Variants in LRMDA observed in about 807,000 individuals in gnomAD.
The protein encoded by LRMDA is leucine-rich melanocyte differentiation-associated protein.
A neutral mutation model predicts 29.8 loss-of-function variants in LRMDA; 18 were observed. The observed-to-expected ratio is 0.60, with a 90% CI of 0.42 to 0.90. LRMDA has a LOEUF of 0.90. Ranked by LOEUF, LRMDA falls within the 40% of genes least tolerant of loss-of-function variation. The pLI, the probability that LRMDA is intolerant of heterozygous loss-of-function variation, is 0.00. For missense variants in LRMDA, 273 were observed against 273.9 expected (o/e 1.00, Z 0.02); for synonymous variants, 125 against 109.4 (o/e 1.14, Z -0.89).
intron 5 of LRMDA, 74 bp from the exon 6 acceptor site, chr10:76,324,327 A>G (rs908415278): frequency 1.6e-6 from 2 of 1,245,076 alleles, no homozygotes; most frequent in Non-Finnish European, 2.4e-6. Context: ...CCAAGGAGAC[A>G]GGTCTGGTAA....
intron 2 of LRMDA, among the ~76,000 whole-genome samples, chr10:75,968,754 A>G (rs1350706193): frequency 6.6e-6 from 1 of 152,148 alleles, no homozygotes; most frequent in East Asian, 1.9e-4. Context: ...AGAGATTCAT[A>G]CCCTTAGGTA....
chr10:76,484,729 A>G (rs1024425862), intron 6 of LRMDA, among the ~76,000 whole-genome samples: 4 of 151,958 alleles, frequency 2.6e-5, no homozygotes, highest in African/African-American at 9.7e-5. Context: ...AGATAGAGAC[A>G]TATTATATCT....
At chr10:76,104,793 C>T (rs538668357) in intron 5 of LRMDA, among the ~76,000 whole-genome samples, 2 of 152,204 alleles carry the variant, frequency 1.3e-5, no homozygotes, top group East Asian at 3.9e-4. Context: ...GCTCACCCCC[C>T]ATATGGAACC....
At chr10:76,347,443 C>T (rs1482871916) in intron 6 of LRMDA, among the ~76,000 whole-genome samples, 24 of 152,134 alleles carry the variant, frequency 1.6e-4, no homozygotes, top group Admixed American at 1.4e-3. Flanking sequence ...CAGGATGGCT[C>T]CTGAGTGTCT....
intron 5 of LRMDA, among the ~76,000 whole-genome samples, chr10:76,163,325 C>G (rs1171521557): frequency 6.6e-6 from 1 of 152,084 alleles, no homozygotes; most frequent in Non-Finnish European, 1.5e-5. Context: ...GTAGAGAAAT[C>G]TGAGTGGGAC....
chr10:76,108,666 C>G (rs539983557), intron 5 of LRMDA, among the ~76,000 whole-genome samples: 1 of 152,038 alleles, frequency 6.6e-6, no homozygotes, highest in South Asian at 2.1e-4. Context: ...TTTATTCTTC[C>G]AAAAATATGT....
At chr10:76,102,460 G>T (rs992008188) in intron 5 of LRMDA, among the ~76,000 whole-genome samples, 1 of 152,020 alleles carries the variant, frequency 6.6e-6, no homozygotes, top group South Asian at 2.1e-4. Flanking sequence ...TGTTTAGCTC[G>T]CATTTATAAG....
rs373863871 is a variant in LRMDA at position 75,434,661 on chromosome 10, A to G, written c.30+2907A>G. The stretch of plus-strand genomic sequence containing the variant: ...ACATGCAGTAGCGCAATCATAGCTC[A>G]CTGCAGCCTTGAACTCCTGAGCTCA... On this transcript the variant is annotated intron_variant, in intron 1 of 6. Transcript: ENST00000611255. Among the ~76,000 whole-genome samples, 4 of 152,310 alleles carry G rather than the reference A, an allele frequency of 2.6e-5. No homozygotes were observed. In the South Asian group the frequency reaches 8.3e-4, roughly 32 times the overall value.
At chr10:76,501,554 A>G (rs1042543165) in intron 6 of LRMDA, among the ~76,000 whole-genome samples, 9 of 151,888 alleles carry the variant, frequency 5.9e-5, no homozygotes, top group African/African-American at 2.2e-4. Context: ...TTTTTAATAT[A>G]GCAATTCTGA....
intron 5 of LRMDA, among the ~76,000 whole-genome samples, chr10:76,122,697 A>G (rs1849810705): frequency 6.6e-6 from 1 of 152,310 alleles, no homozygotes; most frequent in South Asian, 2.1e-4. Flanking sequence ...CCTCTTTCCC[A>G]GTTCATCCTC....
intron 5 of LRMDA, among the ~76,000 whole-genome samples, chr10:76,225,696 T>TTTTATTTA (rs141422770): frequency 0.43 from 62,276 of 144,820 alleles, 14,433 homozygotes; most frequent in East Asian, 0.7. Flanking sequence ...GGGTAATTTA[T>TTTTATTTA]TTTATTTATT....
intron 6 of LRMDA, among the ~76,000 whole-genome samples, chr10:76,502,290 G>T (rs543635947): frequency 7.2e-5 from 11 of 151,960 alleles, no homozygotes; most frequent in Non-Finnish European, 1.5e-4. Context: ...AGGTCTGGTA[G>T]TGTGGTGCCT....
intron 6 of LRMDA, among the ~76,000 whole-genome samples, chr10:76,405,269 C>T (rs1221525939): frequency 1.3e-5 from 2 of 152,198 alleles, no homozygotes; most frequent in African/African-American, 4.8e-5. Flanking sequence ...GTCAGGATTT[C>T]CTTTCTGACT....
chr10:75,982,874 C>A (rs948144871), intron 2 of LRMDA, among the ~76,000 whole-genome samples: 2 of 152,186 alleles, frequency 1.3e-5, no homozygotes, highest in Non-Finnish European at 2.9e-5. Flanking sequence ...TTGTTCTAGA[C>A]AGGTCTATTG....
At chr10:76,222,909 A>G (rs1308501375) in intron 5 of LRMDA, among the ~76,000 whole-genome samples, 1 of 152,174 alleles carries the variant, frequency 6.6e-6, no homozygotes, top group Non-Finnish European at 1.5e-5. Flanking sequence ...AATGTGGCAC[A>G]TATACACCAT....
chr10:75,913,837 T>A (rs1845885334), intron 2 of LRMDA, among the ~76,000 whole-genome samples: 1 of 152,190 alleles, frequency 6.6e-6, no homozygotes, highest in South Asian at 2.1e-4. Flanking sequence ...TGGGTCCGGC[T>A]TTCTATCTGT....
chr10:76,518,801 TAA>T (rs142060721), intron 6 of LRMDA, among the ~76,000 whole-genome samples: 16 of 152,176 alleles, frequency 1.1e-4, no homozygotes, highest in South Asian at 2.1e-4. Context: ...AAAAAAGATA[TAA>T]GAGATGAATA....
chr10:75,793,769 G>A (rs983336768), intron 2 of LRMDA, among the ~76,000 whole-genome samples: 7 of 152,176 alleles, frequency 4.6e-5, no homozygotes, highest in African/African-American at 1.7e-4. Context: ...GCTGGGTCCT[G>A]CAGTACAGAT....
chr10:76,014,027 A>C (rs1243762501), intron 2 of LRMDA, among the ~76,000 whole-genome samples: 3 of 149,108 alleles, frequency 2.0e-5, no homozygotes, highest in Admixed American at 6.7e-5. Flanking sequence ...ATTACATCCC[A>C]TACCATTCTA....
Sources: gnomAD v4.1 joint callset for allele counts (sites outside exome capture counted in the v4.1 genomes callset) on GRCh38, gnomAD v4.1.1 for gene constraint, MANE v1.5 for transcripts, NCBI Gene and HGNC (gene_info 2026-07-23, HGNC 2026-07-21) for gene names.